Variants in SLC22A23 observed in about 807,000 individuals in gnomAD.
The protein encoded by SLC22A23 is ion transporter protein.
SLC22A23 carries 26 observed loss-of-function variants against 61.0 expected under a neutral mutation model. The ratio of observed to expected loss-of-function variants is 0.43; its 90% CI spans 0.31 to 0.59. The LOEUF is 0.59. Ranked by LOEUF, SLC22A23 falls within the 20% of genes least tolerant of loss-of-function variation. The pLI, the probability that SLC22A23 is intolerant of heterozygous loss-of-function variation, is 0.11. For synonymous variants in SLC22A23, 430 were observed against 413.9 expected (o/e 1.04, Z -0.47); for missense variants, 796 against 934.7 (o/e 0.85, Z 1.94).
At chr6:3,439,371 C>T (rs760505715) in intron 1 of SLC22A23, 29 of 448,112 alleles carry the variant, frequency 6.5e-5, no homozygotes, top group Non-Finnish European at 8.9e-6. Context: ...GAAAGTTCCC[C>T]AGGGTGACTC....
In SLC22A23 at chr6:3,286,908, G is replaced by A; in HGVS notation, c.1497C>T (p.Phe499=). Residue 499 remains phenylalanine (F), a synonymous_variant, in exon 7 of 10, where the codon TTC becomes TTT. Coordinates refer to ENST00000406686, the MANE Select transcript of SLC22A23 (RefSeq NM_015482.2). The surrounding 1 kb of genome is among the most constrained non-coding windows in gnomAD (Gnocchi z 4.2). Reference sequence around the variant, plus strand: ...GTGAGGCCAGGGCGGTGAGGATCATGAAGAGCAGCAGCCCTCCCCTGCGCC... The same window carrying A: ...GTGAGGCCAGGGCGGTGAGGATCATAAAGAGCAGCAGCCCTCCCCTGCGCC... The part of the protein sequence containing the change: ...FLGRRGGLLL[F]MILTALASLL... 6.2e-7 allele frequency: 1 copy of A among 1,613,072 alleles called. No individual in the cohort carries two copies. Among genetic ancestry groups the A allele is most frequent in the Non-Finnish European group, 8.5e-7 (1 of 1,179,688 alleles).
At chr6:3,311,263 GGAGATAAGGTTTCCCTGAAA>G (rs1762353220) in intron 4 of SLC22A23, among the ~76,000 whole-genome samples, 1 of 152,192 alleles carries the variant, frequency 6.6e-6, no homozygotes, top group Non-Finnish European at 1.5e-5. Context: ...AAGGCATCGT[GGAGATAAGGTTTCCCTGAAA>G]GTGATGTGAG....
intron 1 of SLC22A23, among the ~76,000 whole-genome samples, chr6:3,424,803 A>G (rs1326656989): frequency 6.6e-6 from 1 of 152,240 alleles, no homozygotes; most frequent in East Asian, 1.9e-4. Context: ...ACAGCGGCAG[A>G]GTCGAACAAC....
intron 1 of SLC22A23, among the ~76,000 whole-genome samples, chr6:3,441,782 G>A (rs373329877): frequency 3.3e-5 from 5 of 152,132 alleles, no homozygotes; most frequent in Admixed American, 6.5e-5. Context: ...TTTCCCAACC[G>A]TCTCCGGCTA....
intron 3 of SLC22A23, among the ~76,000 whole-genome samples, chr6:3,397,465 C>T (rs1434231452): frequency 6.6e-6 from 1 of 152,166 alleles, no homozygotes; most frequent in Non-Finnish European, 1.5e-5. Flanking sequence ...GCATCTCTAG[C>T]AAATTAGACA....
At chr6:3,420,258 G>A (rs894801036) in intron 1 of SLC22A23, among the ~76,000 whole-genome samples, 1 of 150,276 alleles carries the variant, frequency 6.7e-6, no homozygotes, top group Non-Finnish European at 1.5e-5. Flanking sequence ...ACCAAAAACT[G>A]TGGAGTCAGA....
intron 1 of SLC22A23, among the ~76,000 whole-genome samples, chr6:3,441,628 G>A (rs1052569200): frequency 4.6e-5 from 7 of 152,242 alleles, no homozygotes; most frequent in East Asian, 1.9e-4. Context: ...ACTCCTCTGC[G>A]CCCCTGCACC....
chr6:3,333,641 C>G lies in SLC22A23; in HGVS notation c.914-9639G>C, dbSNP rs1763697322. On this transcript the variant is annotated intron_variant, in intron 3 of 9. Transcript: ENST00000406686. The surrounding 1 kb of genome is among the most constrained non-coding windows in gnomAD (Gnocchi z 4.1). Reference sequence around the variant, plus strand: ...TCTTGCCCAGAAGCTTTGCCCTGACCATGCTATATAAAATAGTAATCCCTG... The same window carrying G: ...TCTTGCCCAGAAGCTTTGCCCTGACGATGCTATATAAAATAGTAATCCCTG... Among the ~76,000 whole-genome samples the G allele has an allele frequency of 6.6e-6, 1 of 152,318 alleles. No individual in the cohort carries two copies. Among genetic ancestry groups the G allele is most frequent in the South Asian group, 2.1e-4 (1 of 4,818 alleles).
Position 3,440,977 on chromosome 6 carries a change from G to A in SLC22A23, c.654+14929C>T, listed in dbSNP as rs141548119. Among the ~76,000 whole-genome samples the A allele has an allele frequency of 1.0e-3, 159 of 152,332 alleles. 1 individual carries two copies. Among genetic ancestry groups the A allele is most frequent in the African/African-American group, 3.4e-3 (143 of 41,572 alleles). On this transcript the variant is annotated intron_variant, in intron 1 of 9. Transcript: ENST00000406686. Reference sequence around the variant, plus strand: ...TTCCTGAGCAGTTGTGTGGGGTCCGGCATCAGGCAAGCCTGACAGCCTCTG... The same window carrying A: ...TTCCTGAGCAGTTGTGTGGGGTCCGACATCAGGCAAGCCTGACAGCCTCTG...
chr6:3,367,410 G>C (rs1765905340), intron 3 of SLC22A23, among the ~76,000 whole-genome samples: 1 of 152,170 alleles, frequency 6.6e-6, no homozygotes, highest in South Asian at 2.1e-4. Context: ...CCATCATCTT[G>C]GGCGTTAGCA....
chr6:3,382,383 G>A (rs1767005696), intron 3 of SLC22A23, among the ~76,000 whole-genome samples: 2 of 152,210 alleles, frequency 1.3e-5, no homozygotes, highest in East Asian at 1.9e-4. Context: ...CCCTTAAGAT[G>A]CACTTACGCC....
At chr6:3,435,928 A>T (rs1771182105) in intron 1 of SLC22A23, among the ~76,000 whole-genome samples, 1 of 152,174 alleles carries the variant, frequency 6.6e-6, no homozygotes, top group Non-Finnish European at 1.5e-5. Flanking sequence ...CGCCATCTGC[A>T]AGCCAAGGAG....
At position 3,272,785 on chromosome 6, in the gene SLC22A23, G is replaced by A. The variant is rs976082818; in HGVS notation, c.*270C>T. ...CATTTGTGATCAGTGAGAGGGAGAG[G>A]GAATAAAGTGCTTCTCGTAAAAATG... On this transcript the variant is annotated 3_prime_UTR_variant, in exon 10 of 10. Coordinates refer to ENST00000406686, the MANE Select transcript of SLC22A23 (RefSeq NM_015482.2). 11 of 336,638 alleles carry A rather than the reference G, an allele frequency of 3.3e-5. No homozygotes were observed. Among genetic ancestry groups the A allele is most frequent in the Middle Eastern group, 8.0e-4 (1 of 1,252 alleles). 20.9% of individuals were successfully genotyped at this position (336,638 alleles called of 1,614,324 possible). A position where few individuals can be genotyped will look rare whatever the true frequency, so the allele number is the denominator to read the frequency against.
In SLC22A23 at chr6:3,454,333, T is replaced by G. The variant is rs1437194877; in HGVS notation, c.654+1573A>C. Among the ~76,000 whole-genome samples the G allele has an allele frequency of 6.6e-6, 1 of 152,216 alleles. No individual in the cohort carries two copies. Among genetic ancestry groups the G allele is most frequent in the African/African-American group, 2.4e-5 (1 of 41,450 alleles). On this transcript the variant is annotated intron_variant, in intron 1 of 9. Transcript: ENST00000406686. The surrounding 1 kb of genome is among the most constrained non-coding windows in gnomAD (Gnocchi z 4.3). ...TGCATGGCTGAGTGTGAATAGCTGT[T>G]TCCTGGGTCCTCACTGCCAAGGTAA...
chr6:3,345,452 G>A (rs932579193), intron 3 of SLC22A23, among the ~76,000 whole-genome samples: 36 of 143,200 alleles, frequency 2.5e-4, no homozygotes, highest in African/African-American at 8.4e-4. Context: ...TGCAGCCTCC[G>A]CCTCCTGGGT....
chr6:3,403,410 A>G lies in SLC22A23; in HGVS notation c.913+6778T>C, dbSNP rs561398984. On this transcript the variant is annotated intron_variant, in intron 3 of 9. Transcript: ENST00000406686. Reference sequence around the variant, plus strand: ...TTCCAGCCAGCAAACATGTGGTAAGAGAGGCGAATGGAGCAAGCAGGAAAG... The same window carrying G: ...TTCCAGCCAGCAAACATGTGGTAAGGGAGGCGAATGGAGCAAGCAGGAAAG... 2.0e-4 allele frequency among the ~76,000 whole-genome samples: 30 copies of G among 151,482 alleles called. No homozygotes were observed. The South Asian group carries it at 5.9e-3, about 30-fold the overall frequency.
chr6:3,416,339 G>A (rs1203774745), intron 1 of SLC22A23, among the ~76,000 whole-genome samples: 1 of 152,226 alleles, frequency 6.6e-6, no homozygotes, highest in East Asian at 1.9e-4. Flanking sequence ...CAAACTTTAT[G>A]AGGAGTCTTA....
rs928709005 is a variant in SLC22A23, at chr6:3,290,348, C to T, written c.1211-482G>A. ...GGCCACATGCAGATATGCTTCTTAG[C>T]CTTGTGGGGTGGAACTATGGCTGTA... On this transcript the variant is annotated intron_variant, in intron 5 of 9. Transcript: ENST00000406686. 7.0e-5 allele frequency: 15 copies of T among 213,580 alleles called. 1 individual carries two copies. Among genetic ancestry groups the T allele is most frequent in the Admixed American group, 4.8e-4 (9 of 18,946 alleles). 13.2% of individuals were successfully genotyped at this position (213,580 alleles called of 1,614,324 possible).
intron 5 of SLC22A23, among the ~76,000 whole-genome samples, chr6:3,296,735 G>A (rs1006271531): frequency 6.6e-6 from 1 of 152,126 alleles, no homozygotes; most frequent in African/African-American, 2.4e-5. Flanking sequence ...CCAGCACGTG[G>A]TCCAGCCTGG....
Sources: allele counts gnomAD v4.1 joint callset (sites outside exome capture counted in the v4.1 genomes callset), GRCh38; gene constraint gnomAD v4.1.1; non-coding constraint Gnocchi (gnomAD v3.1); transcripts MANE v1.5; gene names NCBI Gene and HGNC (gene_info 2026-07-23, HGNC 2026-07-21).